Variants in VWCE observed in about 807,000 individuals in gnomAD.
The protein encoded by VWCE is von Willebrand factor C and EGF domains.
Under a neutral mutation model 102.9 loss-of-function variants are expected in VWCE, and 68 were observed. The observed-to-expected ratio is 0.66, with a 90% CI of 0.54 to 0.81. The LOEUF is 0.81. VWCE is among the 30% of genes least tolerant of loss of function. The probability of loss-of-function intolerance (pLI) is 0.00; values close to 1 mark genes in which losing one functional copy is unlikely to be tolerated. For missense variants in VWCE, 1,137 were observed against 1,263.6 expected (o/e 0.90, Z 1.52); for synonymous variants, 497 against 515.4 (o/e 0.96, Z 0.48).
At position 61,264,998 on chromosome 11, in the gene VWCE, C is replaced by T. The variant is rs1854468123; in HGVS notation, c.2097G>A (p.Val699=). The stretch of plus-strand genomic sequence containing the variant: ...TGCAGGGTTCATCATCCAAGGTGAA[C>T]ACCTGGCCATTCGCCACCTTCCTTC... The part of the protein sequence containing the change: ...YEGRKVANGQ[V]FTLDDEPCTR... The change falls in exon 18 of 20, where the codon GTG becomes GTA. Residue 699 remains valine, a synonymous_variant. Transcript: ENST00000335613. 6.2e-7 allele frequency: 1 copy of T among 1,614,038 alleles called. No homozygotes were observed. Among genetic ancestry groups the T allele is most frequent in the Non-Finnish European group, 8.5e-7 (1 of 1,180,052 alleles).
At chr11:61,282,561 A>G (rs1301070362) in intron 6 of VWCE, 11 of 510,654 alleles carry the variant, frequency 2.2e-5, no homozygotes, top group Non-Finnish European at 3.8e-5. Context: ...GAAGAGAAAC[A>G]TAACAGGATG....
At chr11:61,269,093 A>G (rs1169650120) in intron 14 of VWCE, 75 bp from the exon 15 acceptor site, 4 of 1,410,976 alleles carry the variant, frequency 2.8e-6, no homozygotes, top group Non-Finnish European at 3.0e-6. Context: ...CAAAAGAAAC[A>G]GCAACGCTGC....
intron 19 of VWCE, among the ~76,000 whole-genome samples, chr11:61,264,039 C>A (rs1854433381): frequency 6.6e-6 from 1 of 151,748 alleles, no homozygotes. Flanking sequence ...TCCTGGCTAA[C>A]ACGGTGAAAC....
intron 5 of VWCE, 38 bp downstream of exon 5, chr11:61,286,276 A>T: frequency 6.3e-7 from 1 of 1,583,292 alleles, no homozygotes; most frequent in Non-Finnish European, 8.6e-7. Flanking sequence ...CATCCCCATT[A>T]CCCCTCCCAG....
chr11:61,290,988 C>A, intron 3 of VWCE, 61 bp from the exon 4 acceptor site: 1 of 1,571,410 alleles, frequency 6.4e-7, no homozygotes, highest in South Asian at 1.2e-5. Context: ...ATCCCCACTT[C>A]ACCAGGGTCC....
At chr11:61,271,328 G>T in intron 14 of VWCE, 1 of 234,164 alleles carries the variant, frequency 4.3e-6, no homozygotes, top group South Asian at 6.0e-5. Flanking sequence ...TGTATTTTTA[G>T]TAGAGACAGG....
At chr11:61,261,821 C>A (rs919362203) in intron 19 of VWCE, among the ~76,000 whole-genome samples, 15 of 149,284 alleles carry the variant, frequency 1.0e-4, no homozygotes, top group African/African-American at 3.5e-4. Flanking sequence ...AAAAAAAAAT[C>A]ATCAAAAGAA....
intron 4 of VWCE, among the ~76,000 whole-genome samples, chr11:61,286,959 C>T (rs563276637): frequency 8.5e-4 from 127 of 150,108 alleles, no homozygotes; most frequent in African/African-American, 3.0e-3. Context: ...TAGCTGGGCG[C>T]GGTGGCGGGC....
At chr11:61,282,044 G>T in intron 6 of VWCE, 130 bp from the exon 7 acceptor site, 1 of 1,381,818 alleles carries the variant, frequency 7.2e-7, no homozygotes, top group Non-Finnish European at 9.6e-7. Flanking sequence ...CCTGCCCCGA[G>T]GTGCGGGATG....
chr11:61,272,721 C>T (rs185372928), intron 13 of VWCE, among the ~76,000 whole-genome samples: 1,854 of 151,812 alleles, frequency 0.012, 8 homozygotes, highest in African/African-American at 0.021. Flanking sequence ...CTCACACAGA[C>T]GCACACTACT....
At chr11:61,261,231 A>AAG (rs59385735) in intron 19 of VWCE, among the ~76,000 whole-genome samples, 1 of 151,904 alleles carries the variant, frequency 6.6e-6, no homozygotes, top group African/African-American at 2.4e-5. Context: ...AAAAAAAAAA[A>AAG]GAAGAAAGAG....
At chr11:61,281,663 G>GA in intron 7 of VWCE, 123 bp downstream of exon 7, 1 of 1,314,208 alleles carries the variant, frequency 7.6e-7, no homozygotes. Flanking sequence ...GCCAGGAGCT[G>GA]AGAGGGCGTG....
At chr11:61,264,684 C>A in intron 18 of VWCE, 107 bp from the exon 19 acceptor site, 1 of 1,252,974 alleles carries the variant, frequency 8.0e-7, no homozygotes, top group South Asian at 1.3e-5. Context: ...CGGAAAGATC[C>A]CAGGACAGAG....
chr11:61,292,964 G>C (rs1171860105), intron 1 of VWCE, among the ~76,000 whole-genome samples: 1 of 151,932 alleles, frequency 6.6e-6, no homozygotes, highest in Admixed American at 6.6e-5. Context: ...AATACAGGCC[G>C]GGCGCGGTGG....
At chr11:61,268,714 G>A (rs1434844412) in intron 15 of VWCE, among the ~76,000 whole-genome samples, 4 of 152,304 alleles carry the variant, frequency 2.6e-5, no homozygotes, top group South Asian at 4.1e-4. Context: ...CACCTGCACC[G>A]TAAGCCCTGC....
intron 1 of VWCE, among the ~76,000 whole-genome samples, chr11:61,293,485 GA>G (rs1265396377): frequency 6.6e-6 from 1 of 151,900 alleles, no homozygotes; most frequent in Non-Finnish European, 1.5e-5. Context: ...TCTAGCAGGG[GA>G]AACAGCACAA....
chr11:61,291,273 T>TG lies in VWCE; in HGVS notation c.285dup (p.Thr96HisfsTer15). ...TCCCATCCCCAGTTACCTGGGCAGGTGGCCCCTTGCTCTCCATCCTGGCAG... is the reference window on the plus strand; with the variant it reads ...TCCCATCCCCAGTTACCTGGGCAGGTGGGCCCCTTGCTCTCCATCCTGGCAG... On this transcript the variant is annotated frameshift_variant, in exon 3 of 20. Transcript: ENST00000335613. LOFTEE classifies it high-confidence loss of function. 6.3e-7 allele frequency: 1 copy of TG among 1,585,004 alleles called. No individual in the cohort carries two copies. The highest frequency in any genetic ancestry group is 8.6e-7 in the Non-Finnish European group (1 of 1,164,220).
intron 5 of VWCE, among the ~76,000 whole-genome samples, chr11:61,283,810 ACTC>A (rs1855222608): frequency 6.6e-6 from 1 of 151,226 alleles, no homozygotes; most frequent in Non-Finnish European, 1.5e-5. Flanking sequence ...TGGCTGGAAA[ACTC>A]CTACTCATAC....
chr11:61,281,385 G>T, intron 7 of VWCE, 150 bp from the exon 8 acceptor site: 1 of 985,194 alleles, frequency 1.0e-6, no homozygotes, highest in Non-Finnish European at 1.5e-6. Context: ...GGACACTGTC[G>T]CCGTTTGGCA....
Sources: gnomAD v4.1 joint callset for allele counts (sites outside exome capture counted in the v4.1 genomes callset) on GRCh38, gnomAD v4.1.1 for gene constraint, MANE v1.5 for transcripts, NCBI Gene and HGNC (gene_info 2026-07-23, HGNC 2026-07-21) for gene names.